Variants in NEGR1 observed in about 807,000 individuals in gnomAD.
NEGR1 encodes IgLON family member 4.
NEGR1 carries 10 observed loss-of-function variants against 40.9 expected under a neutral mutation model. The ratio of observed to expected loss-of-function variants is 0.24; its 90% CI spans 0.15 to 0.42. The LOEUF (loss-of-function observed/expected upper bound fraction) is 0.42. Among genes scored for constraint, NEGR1 ranks in the 10% least tolerant of loss-of-function variants. NEGR1 has a pLI of 1.00. For missense variants in NEGR1, 352 were observed against 438.9 expected (o/e 0.80, Z 1.77); for synonymous variants, 185 against 166.8 (o/e 1.11, Z -0.84).
chr1:72,216,396 TATATAC>T (rs1209389670), intron 1 of NEGR1, among the ~76,000 whole-genome samples: 1 of 139,406 alleles, frequency 7.2e-6, no homozygotes, highest in Non-Finnish European at 1.5e-5. Context: ...TATATATATA[TATATAC>T]ATATATATAT....
chr1:71,507,446 C>T (rs149807981), intron 6 of NEGR1, among the ~76,000 whole-genome samples: 26 of 152,216 alleles, frequency 1.7e-4, no homozygotes, highest in African/African-American at 5.8e-4. Flanking sequence ...ATGCAATACT[C>T]GGGAATTATG....
chr1:71,462,588 G>A (rs996033524), intron 6 of NEGR1, among the ~76,000 whole-genome samples: 2 of 152,000 alleles, frequency 1.3e-5, no homozygotes, highest in African/African-American at 2.4e-5. Flanking sequence ...AGAAGCTTTT[G>A]TACTAAAAGC....
intron 1 of NEGR1, among the ~76,000 whole-genome samples, chr1:72,187,785 C>T (rs1652665286): frequency 6.6e-6 from 1 of 151,256 alleles, no homozygotes; most frequent in Non-Finnish European, 1.5e-5. Flanking sequence ...CACCACAACC[C>T]CGTTAGGTTA....
chr1:72,120,617 G>A (rs932603880), intron 1 of NEGR1, among the ~76,000 whole-genome samples: 5 of 151,514 alleles, frequency 3.3e-5, no homozygotes, highest in Admixed American at 6.6e-5. Flanking sequence ...CCACTAACTC[G>A]TCATCTAGCA....
chr1:72,181,612 T>A (rs1396561561), intron 1 of NEGR1, among the ~76,000 whole-genome samples: 1 of 152,102 alleles, frequency 6.6e-6, no homozygotes, highest in Non-Finnish European at 1.5e-5. Context: ...CTCATAAAGA[T>A]AACTGCATTA....
intron 1 of NEGR1, among the ~76,000 whole-genome samples, chr1:72,064,618 C>A (rs776955579): frequency 6.6e-6 from 1 of 151,924 alleles, no homozygotes; most frequent in Non-Finnish European, 1.5e-5. Context: ...AATTTCTTCC[C>A]AGAATGGACT....
Position 71,716,472 on chromosome 1 carries a change from G to GTA in NEGR1, c.536-18335_536-18334dup, listed in dbSNP as rs199884639. ...CAGAAATAATCACAAAATCCAAACTGTATGATAGCAGTGAGAAATTTTCAT... is the reference window on the plus strand; with the variant it reads ...CAGAAATAATCACAAAATCCAAACTGTATATGATAGCAGTGAGAAATTTTCAT... On this transcript the variant is annotated intron_variant, in intron 3 of 6. Transcript: ENST00000357731. 3.4e-4 allele frequency among the ~76,000 whole-genome samples: 52 copies of GTA among 152,046 alleles called. No individual in the cohort carries two copies. In the East Asian group the frequency reaches 9.8e-3, roughly 29 times the overall value.
At chr1:72,249,505 T>C (rs186104005) in intron 1 of NEGR1, among the ~76,000 whole-genome samples, 304 of 152,236 alleles carry the variant, frequency 2.0e-3, no homozygotes, top group Admixed American at 5.2e-3. Flanking sequence ...ACTATATATA[T>C]GGGCTAGAGA....
intron 1 of NEGR1, among the ~76,000 whole-genome samples, chr1:72,053,251 C>A (rs1427836029): frequency 6.6e-6 from 1 of 150,936 alleles, no homozygotes; most frequent in Non-Finnish European, 1.5e-5. Flanking sequence ...GTAGGGCTCC[C>A]AGCAATGTGG....
chr1:72,011,998 C>T (rs79477710), intron 1 of NEGR1, among the ~76,000 whole-genome samples: 2 of 151,882 alleles, frequency 1.3e-5, no homozygotes, highest in Non-Finnish European at 2.9e-5. Context: ...GGAGTTACAC[C>T]GAAGACAAAG....
At chr1:72,162,620 T>C (rs898971778) in intron 1 of NEGR1, among the ~76,000 whole-genome samples, 2 of 152,196 alleles carry the variant, frequency 1.3e-5, no homozygotes, top group African/African-American at 2.4e-5. Context: ...AAACACAACA[T>C]AGCCAAGAAA....
intron 1 of NEGR1, among the ~76,000 whole-genome samples, chr1:72,078,413 T>C (rs969730372): frequency 1.3e-5 from 2 of 152,066 alleles, no homozygotes; most frequent in African/African-American, 2.4e-5. Context: ...GAAAAGCACA[T>C]GCACATAAAC....
intron 4 of NEGR1, among the ~76,000 whole-genome samples, chr1:71,674,915 G>A (rs1652564331): frequency 6.6e-6 from 1 of 151,448 alleles, no homozygotes; most frequent in South Asian, 2.1e-4. Flanking sequence ...TCATCCAACA[G>A]AATGTAGGCA....
At chr1:71,481,308 G>C (rs1390421418) in intron 6 of NEGR1, among the ~76,000 whole-genome samples, 1 of 151,824 alleles carries the variant, frequency 6.6e-6, no homozygotes, top group African/African-American at 2.4e-5. Flanking sequence ...GATAGGTTTA[G>C]CTTCTATAGA....
At chr1:72,197,101 CAA>C (rs926787531) in intron 1 of NEGR1, among the ~76,000 whole-genome samples, 3 of 151,948 alleles carry the variant, frequency 2.0e-5, no homozygotes, top group East Asian at 3.9e-4. Flanking sequence ...GAAGAATACA[CAA>C]AGAGTTATGT....
At chr1:71,930,372 T>G (rs534550259) in intron 2 of NEGR1, among the ~76,000 whole-genome samples, 16 of 152,304 alleles carry the variant, frequency 1.1e-4, no homozygotes, top group Admixed American at 9.8e-4. Context: ...GAATAACTGA[T>G]TCTGTTTCTC....
chr1:72,041,944 G>C (rs1467484744), intron 1 of NEGR1, among the ~76,000 whole-genome samples: 1 of 118,468 alleles, frequency 8.4e-6, no homozygotes, highest in African/African-American at 3.2e-5. Context: ...ATATATTTGA[G>C]AGTCTCAAAT....
chr1:71,721,601 C>T (rs1456261172), intron 3 of NEGR1, among the ~76,000 whole-genome samples: 1 of 152,074 alleles, frequency 6.6e-6, no homozygotes, highest in Non-Finnish European at 1.5e-5. Context: ...CCATATAATT[C>T]TTTGTGTGTG....
At chr1:72,061,664 T>G (rs1201067210) in intron 1 of NEGR1, among the ~76,000 whole-genome samples, 1 of 151,798 alleles carries the variant, frequency 6.6e-6, no homozygotes, top group Non-Finnish European at 1.5e-5. Context: ...GAAGGGGGAA[T>G]AGCTTTTAAA....
Sources: allele counts gnomAD v4.1 joint callset (sites outside exome capture counted in the v4.1 genomes callset), GRCh38; gene constraint gnomAD v4.1.1; transcripts MANE v1.5; gene names NCBI Gene and HGNC (gene_info 2026-07-23, HGNC 2026-07-21).